Variants in MCM8 observed in about 807,000 individuals in gnomAD.
The protein encoded by MCM8 is minichromosome maintenance 8 homologous recombination repair factor.
Under a neutral mutation model 98.9 loss-of-function variants are expected in MCM8, and 85 were observed. That is an observed-to-expected ratio of 0.86 (90% CI 0.72 to 1.03). The LOEUF (loss-of-function observed/expected upper bound fraction) is 1.03. Among genes scored for constraint, MCM8 ranks in the 50% least tolerant of loss-of-function variants. MCM8 has a pLI of 0.00. For synonymous variants in MCM8, 352 were observed against 338.6 expected (o/e 1.04, Z -0.44); for missense variants, 951 against 997.8 (o/e 0.95, Z 0.63).
At chr20:5,957,360 C>G (rs1010522218) in intron 6 of MCM8, 131 bp downstream of exon 6, 1 of 576,172 alleles carries the variant, frequency 1.7e-6, no homozygotes, top group Non-Finnish European at 3.0e-6. Context: ...TCTCATTGAT[C>G]ATCACACTGA....
chr20:5,970,646 T>A (rs1490316815), intron 10 of MCM8, among the ~76,000 whole-genome samples: 2 of 152,142 alleles, frequency 1.3e-5, no homozygotes, highest in African/African-American at 4.8e-5. Flanking sequence ...TACTGAACAG[T>A]GAGTGCCAAG....
rs77966691 is a variant in MCM8, at chr20:5,972,494, G to A, written c.1254+457G>A. 1.7e-3 allele frequency: 507 copies of A among 304,508 alleles called. 5 individuals are homozygous for A. The highest frequency in any genetic ancestry group is 0.011 in the African/African-American group (474 of 44,466). 18.9% of individuals were successfully genotyped at this position (304,508 alleles called of 1,614,324 possible). A position where few individuals can be genotyped will look rare whatever the true frequency, so the allele number is the denominator to read the frequency against. ...AGTGCTGGGATTATAGGTGTCAGCC[G>A]TATAGCTCCTTTTAAGAAAAAACTT... On this transcript the variant is annotated intron_variant, in intron 11 of 18. Transcript: ENST00000610722.
At chr20:5,969,336 A>G (rs777552139) in intron 10 of MCM8, among the ~76,000 whole-genome samples, 1 of 152,242 alleles carries the variant, frequency 6.6e-6, no homozygotes, top group Non-Finnish European at 1.5e-5. Context: ...TCAAGCCCGT[A>G]ATCCCAGCAC....
chr20:5,956,438 A>G (rs1302743657), intron 5 of MCM8, among the ~76,000 whole-genome samples: 1 of 151,836 alleles, frequency 6.6e-6, no homozygotes, highest in Non-Finnish European at 1.5e-5. Context: ...TTATTTATTT[A>G]TTTTGAAATG....
At chr20:5,963,025 C>T (rs2089187329) in intron 7 of MCM8, among the ~76,000 whole-genome samples, 1 of 152,134 alleles carries the variant, frequency 6.6e-6, no homozygotes, top group Admixed American at 6.5e-5. Flanking sequence ...AGCAAAGCAC[C>T]TTGCATACCC....
At chr20:5,988,954 T>C (rs1203180390) in intron 17 of MCM8, among the ~76,000 whole-genome samples, 4 of 152,136 alleles carry the variant, frequency 2.6e-5, no homozygotes, top group African/African-American at 9.7e-5. Context: ...AACCTGGAGC[T>C]GCCATGGCAG....
At chr20:5,953,540 C>A (rs1481608006) in intron 3 of MCM8, among the ~76,000 whole-genome samples, 1 of 151,628 alleles carries the variant, frequency 6.6e-6, no homozygotes, top group Admixed American at 6.6e-5. Flanking sequence ...GTGGCGCGAT[C>A]TTGGCTCACT....
At chr20:5,992,637 C>T (rs572884010) in intron 17 of MCM8, among the ~76,000 whole-genome samples, 23 of 152,190 alleles carry the variant, frequency 1.5e-4, no homozygotes, top group African/African-American at 4.1e-4. Context: ...ATTTGCATAA[C>T]GTAGGCTTTT....
chr20:5,960,408 G>A (rs573207726), intron 7 of MCM8, among the ~76,000 whole-genome samples: 20 of 152,104 alleles, frequency 1.3e-4, no homozygotes, highest in African/African-American at 4.3e-4. Context: ...AGCTTCCCAC[G>A]TAGTTGGGAC....
chr20:5,951,692 C>T (rs1201236484), intron 1 of MCM8, among the ~76,000 whole-genome samples: 2 of 152,200 alleles, frequency 1.3e-5, no homozygotes, highest in Admixed American at 6.5e-5. Context: ...AGTTAATTAC[C>T]TGTCCTATTT....
At chr20:5,993,961 A>G (rs1313693650) in intron 18 of MCM8, 13 of 357,990 alleles carry the variant, frequency 3.6e-5, no homozygotes, top group Non-Finnish European at 6.5e-5. Context: ...TTCCTACTTC[A>G]AAGTTCTCGT....
chr20:5,970,496 G>T (rs2089378954), intron 10 of MCM8, among the ~76,000 whole-genome samples: 1 of 152,104 alleles, frequency 6.6e-6, no homozygotes, highest in Admixed American at 6.6e-5. Context: ...TCCATTTAAG[G>T]GCCTACATTT....
At chr20:5,951,648 A>G (rs2054189759) in intron 1 of MCM8, among the ~76,000 whole-genome samples, 1 of 152,208 alleles carries the variant, frequency 6.6e-6, no homozygotes, top group Non-Finnish European at 1.5e-5. Flanking sequence ...CCCTATAATA[A>G]GAAGTCTCAA....
At chr20:5,976,607 C>T (rs757979658) in intron 12 of MCM8, among the ~76,000 whole-genome samples, 13 of 152,186 alleles carry the variant, frequency 8.5e-5, no homozygotes, top group Non-Finnish European at 1.6e-4. Context: ...CTTAAACTAT[C>T]ACAAAGAGAT....
At chr20:5,963,468 T>A in intron 8 of MCM8, 109 bp downstream of exon 8, 1 of 630,198 alleles carries the variant, frequency 1.6e-6, no homozygotes, top group Non-Finnish European at 2.8e-6. Context: ...TGACAAAGTG[T>A]ATAATAGTGT....
At chr20:5,960,038 C>T (rs1485675364) in intron 7 of MCM8, among the ~76,000 whole-genome samples, 4 of 152,162 alleles carry the variant, frequency 2.6e-5, no homozygotes, top group Non-Finnish European at 5.9e-5. Flanking sequence ...TTGTTCCCAA[C>T]TTAAATCTTT....
chr20:5,994,520 CA>C lies in MCM8; in HGVS notation c.*130del. 1 of 587,702 alleles carries C rather than the reference CA, an allele frequency of 1.7e-6. No homozygotes were observed. The highest frequency in any genetic ancestry group is 3.0e-5 in the East Asian group (1 of 32,920). 36.4% of individuals were successfully genotyped at this position (587,702 alleles called of 1,614,324 possible). A position where few individuals can be genotyped will look rare whatever the true frequency, so the allele number is the denominator to read the frequency against. On this transcript the variant is annotated 3_prime_UTR_variant, in exon 19 of 19. Transcript: ENST00000610722. ...ACACACACACACACACACACACACACACAGTCAAATACTGTTCTCTGAAAAA... is the reference window on the plus strand; with the variant it reads ...ACACACACACACACACACACACACACCAGTCAAATACTGTTCTCTGAAAAA...
intron 4 of MCM8, 148 bp from the exon 5 acceptor site, chr20:5,954,954 G>A (rs945930461): frequency 1.6e-6 from 1 of 634,422 alleles, no homozygotes; most frequent in Admixed American, 3.1e-5. Flanking sequence ...TCAGAACCAT[G>A]CTTGGCACAA....
At chr20:5,955,673 T>C (rs191182493) in intron 5 of MCM8, among the ~76,000 whole-genome samples, 182 of 152,364 alleles carry the variant, frequency 1.2e-3, no homozygotes, top group Non-Finnish European at 2.1e-3. Context: ...TCCCTGTATA[T>C]CAAATGTAAA....
Sources: allele counts gnomAD v4.1 joint callset (sites outside exome capture counted in the v4.1 genomes callset), GRCh38; gene constraint gnomAD v4.1.1; transcripts MANE v1.5; gene names NCBI Gene and HGNC (gene_info 2026-07-23, HGNC 2026-07-21).